WWOX: variants seen among roughly 807,000 people sequenced by gnomAD.
WWOX encodes WW domain containing oxidoreductase.
Under a neutral mutation model 46.2 loss-of-function variants are expected in WWOX, and 69 were observed. The observed-to-expected ratio is 1.49, with a 90% CI of 1.23 to 1.82. The LOEUF (loss-of-function observed/expected upper bound fraction) is 1.82. Among genes scored for constraint, WWOX ranks in the 40% most tolerant of loss-of-function variants. The pLI is 0.00. For synonymous variants in WWOX, 359 were observed against 202.6 expected (o/e 1.77, Z -6.56); for missense variants, 919 against 542.6 (o/e 1.69, Z -6.89).
At chr16:78,417,167 G>A (rs1240610058) in intron 6 of WWOX, among the ~76,000 whole-genome samples, 1 of 152,058 alleles carries the variant, frequency 6.6e-6, no homozygotes, top group Admixed American at 6.6e-5. Context: ...CAACCTCCCA[G>A]GTTCAAGAGA....
At chr16:78,596,657 G>A (rs1370054562) in intron 8 of WWOX, among the ~76,000 whole-genome samples, 4 of 152,172 alleles carry the variant, frequency 2.6e-5, no homozygotes, top group African/African-American at 7.2e-5. Flanking sequence ...GGGAGAACAC[G>A]GACTGTGTCA....
intron 8 of WWOX, among the ~76,000 whole-genome samples, chr16:79,041,476 G>C (rs181414773): frequency 2.6e-5 from 4 of 152,296 alleles, no homozygotes; most frequent in Admixed American, 1.3e-4. Flanking sequence ...TTTCTCATTA[G>C]GAACCTGGAT....
At chr16:79,184,411 T>A (rs933958164) in intron 8 of WWOX, among the ~76,000 whole-genome samples, 2 of 152,212 alleles carry the variant, frequency 1.3e-5, no homozygotes, top group African/African-American at 4.8e-5. Context: ...GAATAATCAG[T>A]CACCATGTAA....
intron 8 of WWOX, among the ~76,000 whole-genome samples, chr16:78,609,643 C>T (rs1007927324): frequency 6.6e-6 from 1 of 151,876 alleles, no homozygotes; most frequent in Non-Finnish European, 1.5e-5. Flanking sequence ...GTCCCTGTCA[C>T]TCTTAAAATG....
intron 8 of WWOX, among the ~76,000 whole-genome samples, chr16:78,441,991 G>C: frequency 7.0e-6 from 1 of 141,878 alleles, no homozygotes; most frequent in East Asian, 2.0e-4. Context: ...TGTGTGTGTG[G>C]CTGGGCATGG....
chr16:78,275,168 G>T (rs996342598), intron 5 of WWOX, among the ~76,000 whole-genome samples: 2 of 152,178 alleles, frequency 1.3e-5, no homozygotes, highest in African/African-American at 4.8e-5. Context: ...AAACGTGGAG[G>T]GGGGTGGTGA....
intron 8 of WWOX, among the ~76,000 whole-genome samples, chr16:78,745,357 A>G (rs1481482843): frequency 6.6e-6 from 1 of 152,098 alleles, no homozygotes; most frequent in East Asian, 1.9e-4. Context: ...TGCCATGAGT[A>G]CTTAGCTTTG....
intron 8 of WWOX, among the ~76,000 whole-genome samples, chr16:78,930,438 C>T (rs1048358074): frequency 6.8e-6 from 1 of 147,360 alleles, no homozygotes; most frequent in East Asian, 2.0e-4. Flanking sequence ...CCACCACACC[C>T]AGCTAGCTAA....
intron 8 of WWOX, among the ~76,000 whole-genome samples, chr16:78,468,391 G>A (rs2084135274): frequency 6.6e-6 from 1 of 151,084 alleles, no homozygotes; most frequent in Non-Finnish European, 1.5e-5. Context: ...ACGTATTGTT[G>A]CAACGGCAAA....
intron 8 of WWOX, among the ~76,000 whole-genome samples, chr16:79,058,923 A>C (rs1171915356): frequency 6.6e-6 from 1 of 152,234 alleles, no homozygotes; most frequent in Non-Finnish European, 1.5e-5. Flanking sequence ...GACATGTCAA[A>C]ATCTAGAAAT....
rs1309124476 is a variant in WWOX at position 78,115,078 on chromosome 16, C to T, written c.333C>T (p.Thr111=). The T allele has an allele frequency of 3.1e-6, 5 of 1,614,058 alleles. No individual in the cohort carries two copies. The highest frequency in any genetic ancestry group is 3.4e-6 in the Non-Finnish European group (4 of 1,180,044). The change falls in exon 4 of 9, where the codon ACC becomes ACT. Residue 111 remains threonine, a synonymous_variant. Transcript: ENST00000566780. ...CCCGGCAAAGATACGACGGCAGCAC[C>T]ACTGCCATGGAAATTCTCCAGGGCC... ...PTTRQRYDGS[T]TAMEILQGRD... is the part of the protein sequence containing the mutation.
intron 4 of WWOX, among the ~76,000 whole-genome samples, chr16:78,147,178 T>C (rs2151715360): frequency 6.6e-6 from 1 of 152,344 alleles, no homozygotes; most frequent in East Asian, 1.9e-4. Context: ...CAGAGATACT[T>C]TTAAAAAAGC....
chr16:78,892,544 C>T (rs1216453946), intron 8 of WWOX, among the ~76,000 whole-genome samples: 1 of 152,232 alleles, frequency 6.6e-6, no homozygotes, highest in Non-Finnish European at 1.5e-5. Flanking sequence ...CGACAACATT[C>T]TTGTTCAGAG....
intron 8 of WWOX, among the ~76,000 whole-genome samples, chr16:78,976,097 A>T: frequency 6.6e-6 from 1 of 152,172 alleles, no homozygotes; most frequent in East Asian, 1.9e-4. Flanking sequence ...CCGAATGACA[A>T]TTTCAAGCTC....
intron 8 of WWOX, among the ~76,000 whole-genome samples, chr16:78,596,227 A>G (rs1442699441): frequency 1.3e-5 from 2 of 152,192 alleles, no homozygotes; most frequent in African/African-American, 2.4e-5. Context: ...GTATGGTTGG[A>G]TACTTTGGGT....
intron 8 of WWOX, among the ~76,000 whole-genome samples, chr16:78,702,847 C>G (rs1274895525): frequency 6.6e-6 from 1 of 152,052 alleles, no homozygotes; most frequent in African/African-American, 2.4e-5. Flanking sequence ...AACAACTGTC[C>G]TTTTCCACCA....
chr16:78,661,761 G>A (rs1207050028), intron 8 of WWOX, among the ~76,000 whole-genome samples: 3 of 152,198 alleles, frequency 2.0e-5, no homozygotes, highest in Admixed American at 6.5e-5. Context: ...AATAGACTGG[G>A]TACAATGGCT....
At chr16:78,790,341 GC>G (rs141804156) in intron 8 of WWOX, among the ~76,000 whole-genome samples, 1,754 of 152,062 alleles carry the variant, frequency 0.012, 37 homozygotes, top group African/African-American at 0.04. Context: ...CATCATGTTG[GC>G]CAGGCTGCTC....
intron 8 of WWOX, among the ~76,000 whole-genome samples, chr16:78,803,360 A>T (rs1287790423): frequency 6.6e-6 from 1 of 152,072 alleles, no homozygotes; most frequent in Non-Finnish European, 1.5e-5. Context: ...TCTCAAGTGT[A>T]GTATTTATTT....
Sources: gnomAD v4.1 joint callset for allele counts (sites outside exome capture counted in the v4.1 genomes callset) on GRCh38, gnomAD v4.1.1 for gene constraint, MANE v1.5 for transcripts, NCBI Gene and HGNC (gene_info 2026-07-23, HGNC 2026-07-21) for gene names.